GNAQ: variants seen among roughly 807,000 people sequenced by gnomAD.
GNAQ encodes the protein G protein subunit alpha q, also known as guanine nucleotide-binding protein G(q) subunit alpha.
Under a neutral mutation model 43.9 loss-of-function variants are expected in GNAQ, and 8 were observed. That is an observed-to-expected ratio of 0.18 (90% CI 0.11 to 0.33). GNAQ has a LOEUF of 0.33. Among genes scored for constraint, GNAQ ranks in the 10% least tolerant of loss-of-function variants. The pLI is 1.00. For missense variants in GNAQ, 158 were observed against 450.8 expected (o/e 0.35, Z 5.88); for synonymous variants, 155 against 170.7 (o/e 0.91, Z 0.71).
chr9:77,763,832 G>A (rs753292501), intron 5 of GNAQ, among the ~76,000 whole-genome samples: 2 of 152,216 alleles, frequency 1.3e-5, no homozygotes, highest in Non-Finnish European at 2.9e-5. Context: ...GTTTGTGAAA[G>A]TCTGTAAATG....
At chr9:78,024,760 T>C (rs1051865559) in intron 1 of GNAQ, among the ~76,000 whole-genome samples, 11 of 152,324 alleles carry the variant, frequency 7.2e-5, no homozygotes, top group African/African-American at 2.6e-4. Context: ...GCACATTATT[T>C]GGCACATAGT....
chr9:77,953,777 A>C (rs193044976), intron 1 of GNAQ, among the ~76,000 whole-genome samples: 18 of 152,190 alleles, frequency 1.2e-4, no homozygotes, highest in Non-Finnish European at 1.8e-4. Flanking sequence ...ATCAAAACTA[A>C]GGAAGTAAAT....
chr9:77,818,275 G>A (rs1457447333), intron 2 of GNAQ, among the ~76,000 whole-genome samples: 1 of 151,926 alleles, frequency 6.6e-6, no homozygotes, highest in East Asian at 1.9e-4. Context: ...TTGCTGTTTT[G>A]GAAAATGACA....
intron 5 of GNAQ, among the ~76,000 whole-genome samples, chr9:77,768,229 T>C (rs1022641746): frequency 6.6e-6 from 1 of 152,146 alleles, no homozygotes; most frequent in African/African-American, 2.4e-5. Flanking sequence ...TTTAGAAGAA[T>C]TCTATGCACT....
At chr9:77,828,824 C>T (rs552134421) in intron 2 of GNAQ, among the ~76,000 whole-genome samples, 1 of 152,254 alleles carries the variant, frequency 6.6e-6, no homozygotes, top group South Asian at 2.1e-4. Context: ...AGTCTCTTAA[C>T]CTTTATATGT....
At chr9:78,027,644 G>A (rs1008310293) in intron 1 of GNAQ, among the ~76,000 whole-genome samples, 1 of 151,798 alleles carries the variant, frequency 6.6e-6, no homozygotes, top group African/African-American at 2.4e-5. Flanking sequence ...CAAGCTACCT[G>A]GGAGGCTGAG....
chr9:77,950,124 G>C (rs554883598), intron 1 of GNAQ, among the ~76,000 whole-genome samples: 1 of 152,034 alleles, frequency 6.6e-6, no homozygotes, highest in South Asian at 2.1e-4. Context: ...TGTTCTTACC[G>C]GGTTCCCTTC....
At chr9:78,010,186 A>C (rs1353590776) in intron 1 of GNAQ, among the ~76,000 whole-genome samples, 1 of 152,234 alleles carries the variant, frequency 6.6e-6, no homozygotes, top group Non-Finnish European at 1.5e-5. Context: ...ACAAGATTTC[A>C]TTCCTGCTTT....
intron 1 of GNAQ, among the ~76,000 whole-genome samples, chr9:78,009,756 G>A (rs181664536): frequency 1.3e-5 from 2 of 152,222 alleles, no homozygotes; most frequent in East Asian, 3.9e-4. Context: ...AAATGAATCT[G>A]ATCTTGGAAG....
At chr9:77,956,651 G>C (rs1407429976) in intron 1 of GNAQ, among the ~76,000 whole-genome samples, 1 of 152,186 alleles carries the variant, frequency 6.6e-6, no homozygotes, top group Non-Finnish European at 1.5e-5. Context: ...GCCCCAGGAA[G>C]GGGGAGGAGG....
rs535559976 is a variant in GNAQ, at chr9:77,859,729, C to G, written c.322-43959G>C. ...ATAACAGCAGCTTTTCAATGGAAGC[C>G]AAGATTTTAACATGGTATTTTAAAG... On this transcript the variant is annotated intron_variant, in intron 2 of 6. Transcript: ENST00000286548. 3.3e-5 allele frequency among the ~76,000 whole-genome samples: 5 copies of G among 152,168 alleles called. No homozygotes were observed. In the East Asian group the frequency reaches 7.7e-4, roughly 24 times the overall value.
intron 5 of GNAQ, among the ~76,000 whole-genome samples, chr9:77,737,104 G>A (rs1053805599): frequency 1.3e-5 from 2 of 152,154 alleles, no homozygotes; most frequent in African/African-American, 2.4e-5. Flanking sequence ...TTAACGGTTT[G>A]TGTATTCATG....
At chr9:77,894,901 AAAG>A (rs1345125536) in intron 2 of GNAQ, among the ~76,000 whole-genome samples, 1 of 152,038 alleles carries the variant, frequency 6.6e-6, no homozygotes. Context: ...TCAACTAAAA[AAAG>A]AATGGCAGTG....
intron 2 of GNAQ, among the ~76,000 whole-genome samples, chr9:77,863,200 AAGGAAGGAAGGAAGGAAGGG>A (rs1053837830): frequency 5.3e-5 from 8 of 150,262 alleles, no homozygotes; most frequent in African/African-American, 1.2e-4. Flanking sequence ...GGAAGGAAGG[AAGGAAGGAAGGAAGGAAGGG>A]AGGAAGGAAG....
intron 1 of GNAQ, among the ~76,000 whole-genome samples, chr9:77,978,921 T>G (rs1823335061): frequency 1.3e-5 from 2 of 152,008 alleles, no homozygotes; most frequent in South Asian, 4.1e-4. Flanking sequence ...CCGGGCGTGG[T>G]GGCACTGACC....
At chr9:77,795,451 GA>G (rs1415132712) in intron 4 of GNAQ, among the ~76,000 whole-genome samples, 1 of 152,046 alleles carries the variant, frequency 6.6e-6, no homozygotes, top group Non-Finnish European at 1.5e-5. Context: ...ATGTTCACAG[GA>G]AAAAAATAGT....
rs1377967916 is a variant in GNAQ at position 78,030,875 on chromosome 9, GTGTGTGTGTCGC to G, written c.136+213_136+224del. Among the ~76,000 whole-genome samples the G allele has an allele frequency of 5.7e-3, 821 of 145,116 alleles. 8 individuals are homozygous for G. The highest frequency in any genetic ancestry group is 0.02 in the African/African-American group (781 of 38,148). On this transcript the variant is annotated intron_variant, in intron 1 of 6. Transcript: ENST00000286548. ...AGGGCAGCCCCGACCCCTGTGCTGC[GTGTGTGTGTCGC>G]TGTGTGTGTGTGTGTGTGTGTGTGT...
intron 1 of GNAQ, among the ~76,000 whole-genome samples, chr9:77,996,635 G>A (rs1424433847): frequency 7.3e-5 from 10 of 137,490 alleles, no homozygotes; most frequent in Admixed American, 2.5e-4. Flanking sequence ...CTGAGATCGC[G>A]CCACTGCATT....
intron 1 of GNAQ, among the ~76,000 whole-genome samples, chr9:78,000,396 T>C (rs774256772): frequency 3.3e-5 from 5 of 152,184 alleles, no homozygotes; most frequent in Non-Finnish European, 7.4e-5. Flanking sequence ...ATGTGGCAGA[T>C]GCTACATCAC....
Sources: allele counts gnomAD v4.1 joint callset (sites outside exome capture counted in the v4.1 genomes callset), GRCh38; gene constraint gnomAD v4.1.1; transcripts MANE v1.5; gene names NCBI Gene and HGNC (gene_info 2026-07-23, HGNC 2026-07-21).